The following KCNG3 variants were observed in gnomAD, a reference collection of about 807,000 sequenced individuals.
KCNG3 encodes potassium voltage-gated channel modifier subfamily G member 3.
A neutral mutation model predicts 29.0 loss-of-function variants in KCNG3; 15 were observed. The observed-to-expected ratio is 0.52, with a 90% confidence interval of 0.35 to 0.80. The LOEUF (loss-of-function observed/expected upper bound fraction) is 0.80. Among genes scored for constraint, KCNG3 ranks in the 30% least tolerant of loss-of-function variants. The probability of loss-of-function intolerance (pLI) is 0.01; values close to 1 mark genes in which losing one functional copy is unlikely to be tolerated. For missense variants in KCNG3, 512 were observed against 605.7 expected, an observed-to-expected ratio of 0.85 and a Z score of 1.62; for synonymous variants, 322 against 248.9, an observed-to-expected ratio of 1.29 and a Z score of -2.76.
downstream of KCNG3, among the ~76,000 whole-genome samples, chr2:42,437,111 C>T (rs1180737079): frequency 6.6e-6 from 1 of 152,054 alleles, no homozygotes; most frequent in Non-Finnish European, 1.5e-5. Context: ...GTGGGGTGCA[C>T]CTAATTATTT....
chr2:42,446,367 C>G (rs907806542), intron 1 of KCNG3, among the ~76,000 whole-genome samples: 1 of 150,556 alleles, frequency 6.6e-6, no homozygotes, highest in Non-Finnish European at 1.5e-5. Flanking sequence ...TGAGTAGAGA[C>G]GGGGTTTCAC....
chr2:42,449,336 C>T (rs1672687755), intron 1 of KCNG3, among the ~76,000 whole-genome samples: 1 of 151,864 alleles, frequency 6.6e-6, no homozygotes, highest in Non-Finnish European at 1.5e-5. Context: ...ATTTCAGTGG[C>T]CATAAATAAA....
At chr2:42,478,685 T>A (rs1487994799) in intron 1 of KCNG3, among the ~76,000 whole-genome samples, 54 of 152,190 alleles carry the variant, frequency 3.5e-4, no homozygotes, top group Non-Finnish European at 7.3e-5. Flanking sequence ...GTCCCCCACC[T>A]GCACTGCCTT....
chr2:42,426,699 G>C, the KCNG3 span, among the ~76,000 whole-genome samples: 1 of 152,074 alleles, frequency 6.6e-6, no homozygotes, highest in African/African-American at 2.4e-5. Context: ...TTTAATCCAG[G>C]TGCAGATAAT....
At position 42,493,340 on chromosome 2, in the gene KCNG3, G is replaced by A. The variant is rs774171946; in HGVS notation, c.162C>T (p.Tyr54=). The A allele has an allele frequency of 6.9e-6, 11 of 1,599,780 alleles. No homozygotes were observed. Among genetic ancestry groups the A allele is most frequent in the Admixed American group, 6.8e-5 (4 of 58,662 alleles). The change falls in exon 1 of 2, where the codon TAC becomes TAT. Residue 54 remains tyrosine (Y), a synonymous_variant. Transcript: ENST00000306078. ...ERDVLEVCDD[Y]DRERNEYFFD... ...AGAAGTACTCGTTGCGCTCGCGGTC[G>A]TAGTCGTCGCACACCTCGAGCACGT...
chr2:42,394,401 T>G, the KCNG3 span, among the ~76,000 whole-genome samples: 18 of 152,224 alleles, frequency 1.2e-4, no homozygotes, highest in African/African-American at 3.9e-4. Context: ...GGAGTTTTCA[T>G]CAGCTACCAT....
At chr2:42,427,604 CAA>C in the KCNG3 span, among the ~76,000 whole-genome samples, 13 of 107,944 alleles carry the variant, frequency 1.2e-4, no homozygotes, top group African/African-American at 2.4e-4. Flanking sequence ...GACCCTGTCT[CAA>C]AAAAAAAAAA....
In KCNG3 at chr2:42,463,057, T is replaced by C. The variant is rs180729286; in HGVS notation, c.666-18478A>G. ...TGTAGCAATACTTGCATCTCAAATA[T>C]ATGTTAAAAGATACATTAAATTCTG... is the stretch of plus-strand genomic sequence containing the variant. On this transcript the variant is annotated intron_variant, in intron 1 of 1. Transcript: ENST00000306078. The C allele has an allele frequency of 2.5e-3, 411 of 165,096 alleles. 1 individual carries two copies. The highest frequency in any genetic ancestry group is 9.0e-3 in the African/African-American group (374 of 41,774). The allele number at this position is 165,096 out of a possible 1,614,324, so 10.2% of individuals were successfully genotyped here.
At chr2:42,388,852 C>T in the KCNG3 span, among the ~76,000 whole-genome samples, 1 of 152,086 alleles carries the variant, frequency 6.6e-6, no homozygotes, top group African/African-American at 2.4e-5. Flanking sequence ...ATCTTGTCTC[C>T]TTCTTCTAAG....
intron 1 of KCNG3, among the ~76,000 whole-genome samples, chr2:42,458,817 C>A (rs574971359): frequency 1.4e-5 from 2 of 147,468 alleles, no homozygotes; most frequent in East Asian, 2.0e-4. Context: ...AAAAAAGGAA[C>A]CTCAGGAAGA....
the KCNG3 span, among the ~76,000 whole-genome samples, chr2:42,389,272 C>T: frequency 6.6e-6 from 1 of 152,194 alleles, no homozygotes; most frequent in Non-Finnish European, 1.5e-5. Flanking sequence ...TGATCATAGT[C>T]TTTCCACATC....
intron 1 of KCNG3, among the ~76,000 whole-genome samples, chr2:42,451,746 T>A (rs1672759529): frequency 1.3e-5 from 2 of 151,294 alleles, no homozygotes; most frequent in Non-Finnish European, 2.9e-5. Context: ...ATTAATTAAT[T>A]AAAATTAGCA....
chr2:42,396,246 C>T, the KCNG3 span, among the ~76,000 whole-genome samples: 4 of 152,096 alleles, frequency 2.6e-5, no homozygotes, highest in African/African-American at 9.7e-5. Context: ...ACCATATAAG[C>T]CAGGGACCAT....
chr2:42,470,168 C>G (rs906819097), intron 1 of KCNG3: 2 of 421,422 alleles, frequency 4.7e-6, no homozygotes, highest in Non-Finnish European at 9.0e-6. Flanking sequence ...TCTGATAGAG[C>G]GTCAGATTCA....
In KCNG3 at chr2:42,444,323, C is replaced by T; in HGVS notation, c.922G>A (p.Gly308Ser). 1 of 1,614,080 alleles carries T rather than the reference C, an allele frequency of 6.2e-7. No homozygotes were observed. Among genetic ancestry groups the T allele is most frequent in the Non-Finnish European group, 8.5e-7 (1 of 1,179,994 alleles). The change falls in exon 2 of 2, where the codon GGT becomes AGT. Residue 308 changes from glycine (G) to serine (S), a missense_variant. Gly to Ser is a moderately conservative substitution (Grantham distance 56). Transcript: ENST00000306078. The surrounding 1 kb of genome is among the most constrained non-coding windows in gnomAD (Gnocchi z 5.8). ...AGAGTCAAACCGAGTGTCTGAAGACCAATGAAGTGACGGGCAAGCTTAATC... is the reference window on the plus strand; with the variant it reads ...AGAGTCAAACCGAGTGTCTGAAGACTAATGAAGTGACGGGCAAGCTTAATC... The part of the protein sequence containing the change: ...WVIKLARHFI[G>S]LQTLGLTLKR...
At chr2:42,459,023 C>T (rs1264731988) in intron 1 of KCNG3, among the ~76,000 whole-genome samples, 1 of 151,920 alleles carries the variant, frequency 6.6e-6, no homozygotes, top group Non-Finnish European at 1.5e-5. Flanking sequence ...ATGGTGAAAC[C>T]CCATCTCTAC....
chr2:42,462,688 A>G (rs1416995487), intron 1 of KCNG3, among the ~76,000 whole-genome samples: 1 of 152,100 alleles, frequency 6.6e-6, no homozygotes, highest in Non-Finnish European at 1.5e-5. Flanking sequence ...TCTCAAAAAT[A>G]AATAAATAAA....
At chr2:42,481,558 T>A (rs1442449669) in intron 1 of KCNG3, among the ~76,000 whole-genome samples, 1 of 152,130 alleles carries the variant, frequency 6.6e-6, no homozygotes, top group Non-Finnish European at 1.5e-5. Context: ...AAACCCACAT[T>A]CAGATATAAA....
the KCNG3 span, among the ~76,000 whole-genome samples, chr2:42,419,144 G>A: frequency 7.1e-6 from 1 of 140,402 alleles, no homozygotes; most frequent in Non-Finnish European, 1.5e-5. Flanking sequence ...ACCGTGTAAT[G>A]TTCCTGACAG....
Sources: allele counts gnomAD v4.1 joint callset (sites outside exome capture counted in the v4.1 genomes callset), GRCh38; gene constraint gnomAD v4.1.1; non-coding constraint Gnocchi (gnomAD v3.1); transcripts MANE v1.5; gene names NCBI Gene and HGNC (gene_info 2026-07-23, HGNC 2026-07-21).